Variants in SLC44A1 observed in about 807,000 individuals in gnomAD.
SLC44A1 encodes solute carrier family 44 member 1.
Under a neutral mutation model 79.3 loss-of-function variants are expected in SLC44A1, and 26 were observed. That is an observed-to-expected ratio of 0.33 (90% CI 0.24 to 0.46). The LOEUF (loss-of-function observed/expected upper bound fraction) is 0.46, where lower values mean the gene tolerates loss of function less well. SLC44A1 is among the 20% of genes least tolerant of loss of function. SLC44A1 has a pLI of 1.00. For synonymous variants in SLC44A1, 263 were observed against 286.2 expected, an observed-to-expected ratio of 0.92 and a Z score of 0.82; for missense variants, 688 against 798.1, an observed-to-expected ratio of 0.86 and a Z score of 1.66.
intron 1 of SLC44A1, among the ~76,000 whole-genome samples, chr9:105,290,283 G>A (rs1830573584): frequency 1.3e-5 from 2 of 152,200 alleles, no homozygotes; most frequent in African/African-American, 2.4e-5. Context: ...GATGGGAGGT[G>A]CGAAGTAGAG....
intron 1 of SLC44A1, among the ~76,000 whole-genome samples, chr9:105,249,973 A>T (rs1829544556): frequency 6.8e-6 from 1 of 147,876 alleles, no homozygotes; most frequent in Non-Finnish European, 1.5e-5. Flanking sequence ...GGCTCAAGTG[A>T]TCCTCCCACC....
chr9:105,428,609 G>T (rs185226655), intron 15 of SLC44A1, among the ~76,000 whole-genome samples: 2 of 152,356 alleles, frequency 1.3e-5, no homozygotes, highest in East Asian at 3.9e-4. Context: ...TGAGTATGCA[G>T]AACAGTCAGC....
At chr9:105,333,724 C>T (rs569180042) in intron 3 of SLC44A1, among the ~76,000 whole-genome samples, 67 of 151,868 alleles carry the variant, frequency 4.4e-4, no homozygotes, top group African/African-American at 1.5e-3. Context: ...GCAGGAGAAT[C>T]GTTTGAACCT....
intron 5 of SLC44A1, among the ~76,000 whole-genome samples, chr9:105,352,873 A>G (rs1467602912): frequency 2.0e-5 from 3 of 152,230 alleles, no homozygotes; most frequent in Admixed American, 6.5e-5. Context: ...AAACAATTGA[A>G]GTATCAAAAC....
At chr9:105,334,620 C>T (rs1357627826) in intron 3 of SLC44A1, among the ~76,000 whole-genome samples, 1 of 152,136 alleles carries the variant, frequency 6.6e-6, no homozygotes, top group African/African-American at 2.4e-5. Context: ...GGAAGCATTC[C>T]TTCTTGTACT....
intron 13 of SLC44A1, 96 bp downstream of exon 13, chr9:105,374,831 A>G (rs1828227015): frequency 1.1e-6 from 1 of 929,282 alleles, no homozygotes; most frequent in Admixed American, 2.1e-5. Flanking sequence ...CAAAAAACTA[A>G]AAGTAATATA....
At chr9:105,282,813 T>G (rs1229735592) in intron 1 of SLC44A1, among the ~76,000 whole-genome samples, 2 of 152,212 alleles carry the variant, frequency 1.3e-5, no homozygotes. Context: ...CCCAAAGTGC[T>G]GGGATTACAG....
intron 3 of SLC44A1, among the ~76,000 whole-genome samples, chr9:105,330,688 T>G (rs545587762): frequency 6.6e-6 from 1 of 152,346 alleles, no homozygotes; most frequent in African/African-American, 2.4e-5. Flanking sequence ...ACAGAGCATT[T>G]TATTCAGACA....
At chr9:105,386,507 T>A in intron 15 of SLC44A1, 1 of 797,878 alleles carries the variant, frequency 1.3e-6, no homozygotes, top group Non-Finnish European at 1.5e-6. Flanking sequence ...ACTTGCTGCC[T>A]GTGGGCCGCA....
At chr9:105,278,243 C>CTATTTATTTATTTATT (rs577449203) in intron 1 of SLC44A1, among the ~76,000 whole-genome samples, 1 of 149,780 alleles carries the variant, frequency 6.7e-6, no homozygotes, top group African/African-American at 2.4e-5. Context: ...TTTTCTTTTT[C>CTATTTATTTATTTATT]TATTTATTTA....
chr9:105,393,002 C>T lies in SLC44A1; in HGVS notation c.*3946C>T, dbSNP rs956587130. 8 of 984,536 alleles carry T rather than the reference C, an allele frequency of 8.1e-6. No homozygotes were observed. In the African/African-American group the frequency reaches 1.4e-4, roughly 17 times the overall value. 61.0% of individuals were successfully genotyped at this position (984,536 alleles called of 1,614,324 possible). Reference sequence around the variant, plus strand: ...AAATAAAACTCTCAGAGTCTGGAGGCTTATCAGTGCACCTGCCACAGTTAA... The same window carrying T: ...AAATAAAACTCTCAGAGTCTGGAGGTTTATCAGTGCACCTGCCACAGTTAA... On this transcript the variant is annotated 3_prime_UTR_variant, in exon 16 of 16. Transcript: ENST00000374720.
chr9:105,374,781 A>C, intron 13 of SLC44A1, 46 bp downstream of exon 13: 1 of 1,466,356 alleles, frequency 6.8e-7, no homozygotes, highest in Admixed American at 1.9e-5. Context: ...AATTTTGCAT[A>C]TATTTATTTG....
At chr9:105,345,744 C>A (rs1827228408) in intron 4 of SLC44A1, among the ~76,000 whole-genome samples, 1 of 151,926 alleles carries the variant, frequency 6.6e-6, no homozygotes, top group Non-Finnish European at 1.5e-5. Context: ...GCCATAGCAA[C>A]CATTTACCAT....
At chr9:105,381,869 T>C (rs1828476605) in intron 13 of SLC44A1, among the ~76,000 whole-genome samples, 1 of 152,220 alleles carries the variant, frequency 6.6e-6, no homozygotes, top group Admixed American at 6.5e-5. Context: ...TTGATGTTGA[T>C]AAATATTGGA....
Position 105,391,167 on chromosome 9 carries a change from C to T in SLC44A1, c.*2111C>T, listed in dbSNP as rs542629155. 1 of 985,680 alleles carries T rather than the reference C, an allele frequency of 1.0e-6. No individual in the cohort carries two copies. The highest frequency in any genetic ancestry group is 1.2e-6 in the Non-Finnish European group (1 of 829,914). 61.1% of individuals were successfully genotyped at this position (985,680 alleles called of 1,614,324 possible). On this transcript the variant is annotated 3_prime_UTR_variant, in exon 16 of 16. Coordinates refer to ENST00000374720, the MANE Select transcript of SLC44A1 (RefSeq NM_080546.5). ...CCCTCCAAAGTGACCTGATGGAAGT[C>T]CTGAACTTGGAAATTAGGTTCTACT... is the stretch of plus-strand genomic sequence containing the variant.
chr9:105,350,837 C>T (rs1827382585), intron 5 of SLC44A1, among the ~76,000 whole-genome samples: 1 of 152,198 alleles, frequency 6.6e-6, no homozygotes, highest in Non-Finnish European at 1.5e-5. Flanking sequence ...CTTCCTTTGG[C>T]CCATCTTTCT....
chr9:105,375,267 T>C (rs1367817586), intron 13 of SLC44A1, among the ~76,000 whole-genome samples: 1 of 152,256 alleles, frequency 6.6e-6, no homozygotes, highest in Non-Finnish European at 1.5e-5. Flanking sequence ...CTCTAACTCC[T>C]GAGCTCAGGT....
At chr9:105,255,836 T>C (rs957304227) in intron 1 of SLC44A1, among the ~76,000 whole-genome samples, 4 of 152,172 alleles carry the variant, frequency 2.6e-5, no homozygotes, top group African/African-American at 9.7e-5. Context: ...AGCTATAAAA[T>C]ATAAACAATA....
chr9:105,270,329 A>C (rs1022882104), intron 1 of SLC44A1, among the ~76,000 whole-genome samples: 6 of 152,176 alleles, frequency 3.9e-5, no homozygotes, highest in African/African-American at 1.4e-4. Flanking sequence ...CTGCCACCCT[A>C]GCCCAACTCA....
Sources: allele counts gnomAD v4.1 joint callset (sites outside exome capture counted in the v4.1 genomes callset), GRCh38; gene constraint gnomAD v4.1.1; transcripts MANE v1.5; gene names NCBI Gene and HGNC (gene_info 2026-07-23, HGNC 2026-07-21).